The following COMMD1 variants were observed in gnomAD, a reference collection of about 807,000 sequenced individuals.
COMMD1 encodes copper metabolism domain containing 1, also known as COMM domain-containing protein 1.
In COMMD1, 10 loss-of-function variants were observed where a neutral mutation model predicts 17.2. The ratio of observed to expected loss-of-function variants is 0.58; its 90% CI spans 0.36 to 0.99. The LOEUF (loss-of-function observed/expected upper bound fraction) is 0.99, where lower values mean the gene tolerates loss of function less well. Ranked by LOEUF, COMMD1 falls within the 50% of genes least tolerant of loss-of-function variation. The probability of loss-of-function intolerance (pLI) is 0.01; values close to 1 mark genes in which losing one functional copy is unlikely to be tolerated. For synonymous variants in COMMD1, 97 were observed against 91.6 expected (o/e 1.06, Z -0.34); for missense variants, 270 against 231.8 (o/e 1.17, Z -1.07).
At chr2:62,072,614 C>G (rs1264683112) in intron 2 of COMMD1, among the ~76,000 whole-genome samples, 1 of 152,230 alleles carries the variant, frequency 6.6e-6, no homozygotes, top group Non-Finnish European at 1.5e-5. Flanking sequence ...CTGGCCAGCT[C>G]ACCAAGCTGC....
chr2:61,976,546 G>A (rs943620504), intron 1 of COMMD1, among the ~76,000 whole-genome samples: 3 of 152,210 alleles, frequency 2.0e-5, no homozygotes, highest in African/African-American at 7.2e-5. Context: ...AGGAGAAATA[G>A]ATGAATCCAC....
At chr2:61,949,905 A>G (rs987099978) in intron 1 of COMMD1, among the ~76,000 whole-genome samples, 10 of 152,234 alleles carry the variant, frequency 6.6e-5, no homozygotes, top group South Asian at 2.1e-4. Context: ...GCCTGCAGAC[A>G]TAGACCCACT....
At chr2:61,888,440 G>A (rs774679661), upstream of COMMD1, 6 of 1,612,198 alleles carry the variant, frequency 3.7e-6, no homozygotes, top group Non-Finnish European at 4.2e-6. Context: ...GTCCTGATAG[G>A]CGCCTTTCCC....
chr2:62,003,331 G>A (rs1317479395), intron 2 of COMMD1, among the ~76,000 whole-genome samples: 1 of 151,572 alleles, frequency 6.6e-6, no homozygotes, highest in Non-Finnish European at 1.5e-5. Context: ...CACGAGATCA[G>A]GAGATCGAGA....
chr2:62,047,471 T>C (rs1670413114), intron 2 of COMMD1, among the ~76,000 whole-genome samples: 1 of 149,274 alleles, frequency 6.7e-6, no homozygotes. Context: ...TTTCTTCCTT[T>C]CTTTTTTTTT....
At chr2:61,936,795 A>C (rs1023749417) in intron 1 of COMMD1, among the ~76,000 whole-genome samples, 2 of 152,184 alleles carry the variant, frequency 1.3e-5, no homozygotes, top group African/African-American at 4.8e-5. Flanking sequence ...TGAACCCAAA[A>C]TATGAGACTG....
At chr2:62,012,270 T>TACATACAC (rs1669300771) in intron 2 of COMMD1, among the ~76,000 whole-genome samples, 1 of 129,896 alleles carries the variant, frequency 7.7e-6, no homozygotes, top group Non-Finnish European at 1.6e-5. Context: ...CACACACACA[T>TACATACAC]ACACACACAC....
At chr2:61,924,474 G>A (rs958615376) in intron 1 of COMMD1, among the ~76,000 whole-genome samples, 4 of 151,848 alleles carry the variant, frequency 2.6e-5, no homozygotes, top group African/African-American at 4.8e-5. Context: ...GGATGTTGTC[G>A]AGGAGGGGAG....
At chr2:61,890,366 T>C (rs1267828230) in intron 1 of COMMD1, among the ~76,000 whole-genome samples, 1 of 152,102 alleles carries the variant, frequency 6.6e-6, no homozygotes. Context: ...ATTACGGGCA[T>C]GCACCACCAT....
intron 2 of COMMD1, among the ~76,000 whole-genome samples, chr2:62,041,373 A>G (rs1407276479): frequency 6.6e-6 from 1 of 151,732 alleles, no homozygotes; most frequent in Non-Finnish European, 1.5e-5. Context: ...TGCCAGTTTT[A>G]TTAATAGAAA....
At chr2:62,085,221 A>ATTTTTTTTTTTTTTT (rs36006181) in intron 2 of COMMD1, among the ~76,000 whole-genome samples, 1 of 144,414 alleles carries the variant, frequency 6.9e-6, no homozygotes, top group African/African-American at 2.6e-5. Context: ...TACAGTTTGA[A>ATTTTTTTTTTTTTTT]TTTTTTTTTT....
chr2:61,986,770 T>C (rs1487931445), intron 1 of COMMD1, among the ~76,000 whole-genome samples: 1 of 151,974 alleles, frequency 6.6e-6, no homozygotes, highest in Non-Finnish European at 1.5e-5. Flanking sequence ...GGTTTTGCCA[T>C]GTTGCCCAGG....
chr2:62,031,047 G>C (rs1349764949), intron 2 of COMMD1, among the ~76,000 whole-genome samples: 1 of 152,124 alleles, frequency 6.6e-6, no homozygotes, highest in African/African-American at 2.4e-5. Context: ...TAATAAGAGA[G>C]AGAATGCAGG....
chr2:62,046,727 C>G (rs906443235), intron 2 of COMMD1, among the ~76,000 whole-genome samples: 4 of 152,180 alleles, frequency 2.6e-5, no homozygotes, highest in African/African-American at 9.7e-5. Flanking sequence ...GAGGAAAGAA[C>G]AGATGCATTT....
At chr2:61,988,368 C>T (rs1008601144) in intron 1 of COMMD1, among the ~76,000 whole-genome samples, 1 of 152,152 alleles carries the variant, frequency 6.6e-6, no homozygotes, top group African/African-American at 2.4e-5. Context: ...GCCCTTTAGT[C>T]AGGAGGTGAT....
chr2:62,054,888 A>G (rs1246851489), intron 2 of COMMD1, among the ~76,000 whole-genome samples: 3 of 152,230 alleles, frequency 2.0e-5, no homozygotes, highest in African/African-American at 7.2e-5. Flanking sequence ...AATAGCTCAT[A>G]GGAGCACAAA....
intron 1 of COMMD1, among the ~76,000 whole-genome samples, chr2:61,949,668 A>C (rs1671000166): frequency 1.3e-5 from 2 of 152,230 alleles, no homozygotes; most frequent in South Asian, 4.1e-4. Context: ...AAAATAAAAA[A>C]AAGAATGATG....
chr2:62,087,458 T>C (rs1671701442), intron 2 of COMMD1, among the ~76,000 whole-genome samples: 1 of 152,196 alleles, frequency 6.6e-6, no homozygotes, highest in Non-Finnish European at 1.5e-5. Context: ...TTAAAAACCT[T>C]GATAAGTGGG....
chr2:61,913,816 A>AAAT, intron 1 of COMMD1, among the ~76,000 whole-genome samples: 1 of 100,192 alleles, frequency 1.0e-5, no homozygotes, highest in African/African-American at 3.8e-5. Flanking sequence ...AAAAAAAAAA[A>AAAT]AGAAAAGTGT....
Sources: gnomAD v4.1 joint callset for allele counts (sites outside exome capture counted in the v4.1 genomes callset) on GRCh38, gnomAD v4.1.1 for gene constraint, MANE v1.5 for transcripts, NCBI Gene and HGNC (gene_info 2026-07-23, HGNC 2026-07-21) for gene names.